Variants in SPP2 observed in about 807,000 individuals in gnomAD.
The protein encoded by SPP2 is secreted phosphoprotein 2.
Under a neutral mutation model 28.8 loss-of-function variants are expected in SPP2, and 34 were observed. The observed-to-expected ratio is 1.18, with a 90% CI of 0.90 to 1.57. The LOEUF (loss-of-function observed/expected upper bound fraction) is 1.57. Ranked by LOEUF, SPP2 falls within the 40% of genes most tolerant of loss-of-function variation. The probability of loss-of-function intolerance (pLI) is 0.00; values close to 1 mark genes in which losing one functional copy is unlikely to be tolerated. For missense variants in SPP2, 269 were observed against 263.9 expected (o/e 1.02, Z -0.13); for synonymous variants, 96 against 89.4 (o/e 1.07, Z -0.42).
At position 234,058,719 on chromosome 2, in the gene SPP2, T is replaced by C. The variant is rs1693657221; in HGVS notation, c.211-117T>C. 2.5e-6 allele frequency: 3 copies of C among 1,197,474 alleles called. 1 individual carries two copies. In the African/African-American group the frequency reaches 4.6e-5, roughly 18 times the overall value. 74.2% of individuals were successfully genotyped at this position (1,197,474 alleles called of 1,614,324 possible). A position where few individuals can be genotyped will look rare whatever the true frequency, so the allele number is the denominator to read the frequency against. On this transcript the variant is annotated intron_variant, in intron 2 of 7. Transcript: ENST00000168148. ...ACTAGGTGATTGCTAAGATAATTTA[T>C]TGCTTTCATGGTGGACAATTCTGTA...
chr2:234,050,988 T>A lies in SPP2; in HGVS notation c.103T>A (p.Tyr35Asn). ...GTGTCCAGGTTTCCCAGTGTACGAC[T>A]ACGATCCATCCTCCTTAAGGGATGC... The part of the protein sequence containing the change: ...WSCSGFPVYD[Y>N]DPSSLRDALS... Residue 35 changes from tyrosine to asparagine, a missense_variant, in exon 2 of 8, where the codon TAC becomes AAC. By Grantham distance (143) the Tyr-to-Asn change is moderately radical. Coordinates refer to ENST00000168148, the MANE Select transcript of SPP2 (RefSeq NM_006944.3). 6.2e-7 allele frequency: 1 copy of A among 1,614,054 alleles called. No individual in the cohort carries two copies. Among genetic ancestry groups the A allele is most frequent in the East Asian group, 2.2e-5 (1 of 44,874 alleles).
intron 2 of SPP2, chr2:234,056,266 A>G (rs1397601134): frequency 6.6e-6 from 1 of 152,226 alleles, no homozygotes; most frequent in African/African-American, 2.4e-5. Flanking sequence ...AAGGATATGA[A>G]CAGACACTTC....
chr2:234,073,315 A>C (rs1690833630), intron 7 of SPP2, among the ~76,000 whole-genome samples: 1 of 152,270 alleles, frequency 6.6e-6, no homozygotes, highest in African/African-American at 2.4e-5. Flanking sequence ...CATAAGGCTA[A>C]GAACAGTGTA....
At chr2:234,072,159 G>A (rs1415059848) in intron 7 of SPP2, among the ~76,000 whole-genome samples, 2 of 152,168 alleles carry the variant, frequency 1.3e-5, no homozygotes, top group Non-Finnish European at 2.9e-5. Context: ...GTTAAGCATG[G>A]TATAATTAAT....
At chr2:234,069,906 T>C in intron 6 of SPP2, 22 bp from the exon 7 acceptor site, 4 of 1,584,354 alleles carry the variant, frequency 2.5e-6, no homozygotes, top group Non-Finnish European at 3.5e-6. Flanking sequence ...ACAGAGCCTA[T>C]GCTTCCCTTT....
At position 234,063,610 on chromosome 2, in the gene SPP2, C is replaced by T. The variant is rs184699401; in HGVS notation, c.445-2923C>T. On this transcript the variant is annotated intron_variant, in intron 4 of 7. Coordinates refer to ENST00000168148, the MANE Select transcript of SPP2 (RefSeq NM_006944.3). ...GTTTTTATTATTTCTTTTTCAATCC[C>T]GAAATTGAAATGTGTAGAGGATAAA... Among the ~76,000 whole-genome samples, 964 of 152,112 alleles carry T rather than the reference C, an allele frequency of 6.3e-3. 11 individuals carry two copies. The highest frequency in any genetic ancestry group is 0.02 in the African/African-American group (838 of 41,492).
chr2:234,058,987 T>C (rs560471648), intron 3 of SPP2, 29 bp downstream of exon 3: 1 of 1,596,198 alleles, frequency 6.3e-7, no homozygotes, highest in South Asian at 1.1e-5. Context: ...ATCCCAGAAA[T>C]GAACAAAAGG....
intron 7 of SPP2, among the ~76,000 whole-genome samples, chr2:234,074,105 T>C (rs1559180447): frequency 6.6e-6 from 1 of 152,160 alleles, no homozygotes; most frequent in Non-Finnish European, 1.5e-5. Context: ...AGAGATAATG[T>C]TGGGATTGGA....
intron 2 of SPP2, among the ~76,000 whole-genome samples, chr2:234,056,559 A>G (rs2125453328): frequency 6.6e-6 from 1 of 152,194 alleles, no homozygotes; most frequent in African/African-American, 2.4e-5. Flanking sequence ...AATGATCTGT[A>G]CCCCCAAAAA....
At chr2:234,059,505 A>T (rs1349462487) in intron 3 of SPP2, among the ~76,000 whole-genome samples, 1 of 152,192 alleles carries the variant, frequency 6.6e-6, no homozygotes, top group Non-Finnish European at 1.5e-5. Flanking sequence ...TGAGAGGCTG[A>T]AGAAAGAGGC....
Position 234,058,626 on chromosome 2 carries a change from G to A in SPP2, c.211-210G>A, listed in dbSNP as rs117887353. ...ACACCTACATTCTGGTTCCATTTTC[G>A]TCACTAAACTATTGTACGACTTTGT... On this transcript the variant is annotated intron_variant, in intron 2 of 7. Coordinates refer to ENST00000168148, the MANE Select transcript of SPP2 (RefSeq NM_006944.3). Among the ~76,000 whole-genome samples the A allele has an allele frequency of 2.2e-4, 33 of 152,228 alleles. No individual in the cohort carries two copies. The East Asian group carries it at 3.7e-3, about 17-fold the overall frequency.
At chr2:234,052,416 C>T (rs1507517) in intron 2 of SPP2, among the ~76,000 whole-genome samples, 16,988 of 152,122 alleles carry the variant, frequency 0.11, 2,003 homozygotes, top group African/African-American at 0.29. Flanking sequence ...TATTGCTCAC[C>T]ACAGAAGAAA....
intron 2 of SPP2, among the ~76,000 whole-genome samples, chr2:234,055,855 CTTT>C (rs57524937): frequency 0.32 from 46,241 of 144,614 alleles, 7,461 homozygotes; most frequent in South Asian, 0.48. Flanking sequence ...CAGTTGACTT[CTTT>C]TTTTTTTTTG....
At chr2:234,058,614 G>A (rs1329939143) in intron 2 of SPP2, among the ~76,000 whole-genome samples, 1 of 152,182 alleles carries the variant, frequency 6.6e-6, no homozygotes, top group Non-Finnish European at 1.5e-5. Context: ...CCTACATTCT[G>A]GTTCCATTTT....
At chr2:234,062,031 G>A (rs1304814486) in intron 4 of SPP2, among the ~76,000 whole-genome samples, 1 of 152,208 alleles carries the variant, frequency 6.6e-6, no homozygotes, top group African/African-American at 2.4e-5. Context: ...AACCAGAAAT[G>A]ACAAGGACCA....
chr2:234,068,997 G>A (rs931047520), intron 6 of SPP2, among the ~76,000 whole-genome samples: 5 of 152,130 alleles, frequency 3.3e-5, no homozygotes, highest in Non-Finnish European at 5.9e-5. Context: ...TGACTGGGCT[G>A]TGATCTCATC....
chr2:234,060,848 A>G (rs1234553556), intron 4 of SPP2, among the ~76,000 whole-genome samples: 1 of 152,024 alleles, frequency 6.6e-6, no homozygotes, highest in Non-Finnish European at 1.5e-5. Flanking sequence ...CAAACCTTTA[A>G]AGTTTCAGAT....
rs1162299273 is a variant in SPP2 at position 234,058,889 on chromosome 2, G to A, written c.264G>A (p.Arg88=). Residue 88 remains arginine (R), a synonymous_variant, in exon 3 of 8, where the codon CGG becomes CGA. Coordinates refer to ENST00000168148, the MANE Select transcript of SPP2 (RefSeq NM_006944.3). The part of the protein sequence containing the change: ...NLVMNLEFSI[R]ETTCRKDSGE... ...TCATGAATTTAGAGTTCAGCATCCG[G>A]GAGACTACATGCAGGAAGGATTCTG... is the stretch of plus-strand genomic sequence containing the variant. The A allele has an allele frequency of 6.2e-7, 1 of 1,614,068 alleles. No individual in the cohort carries two copies. The highest frequency in any genetic ancestry group is 2.2e-5 in the East Asian group (1 of 44,880).
At chr2:234,062,674 C>T (rs530042301) in intron 4 of SPP2, among the ~76,000 whole-genome samples, 5 of 152,104 alleles carry the variant, frequency 3.3e-5, no homozygotes, top group Non-Finnish European at 5.9e-5. Context: ...AGAGAGAATG[C>T]TAACTGGGTC....
Sources: gnomAD v4.1 joint callset for allele counts (sites outside exome capture counted in the v4.1 genomes callset) on GRCh38, gnomAD v4.1.1 for gene constraint, MANE v1.5 for transcripts, NCBI Gene and HGNC (gene_info 2026-07-23, HGNC 2026-07-21) for gene names.